Variants in HDAC8 observed in about 807,000 individuals in gnomAD.
HDAC8 encodes the protein histone deacetylase 8, also known as histone deacetylase-like 1.
In HDAC8, 1 loss-of-function variant was observed where a neutral mutation model predicts 32.2. The observed-to-expected ratio is 0.03, with a 90% CI of 0.01 to 0.15. HDAC8 has a LOEUF of 0.15. HDAC8 is among the 10% of genes least tolerant of loss of function. The probability of loss-of-function intolerance (pLI) is 1.00; values close to 1 mark genes in which losing one functional copy is unlikely to be tolerated. For synonymous variants in HDAC8, 108 were observed against 113.9 expected (o/e 0.95, Z 0.33); for missense variants, 117 against 300.0 (o/e 0.39, Z 4.51).
At chrX:72,388,163 T>C (rs1254369439) in intron 9 of HDAC8, among the ~76,000 whole-genome samples, 1 of 110,926 alleles carries the variant, frequency 9.0e-6, no homozygotes, top group East Asian at 2.9e-4. Context: ...AACGATCTTG[T>C]GTTCTCCGCT....
chrX:72,360,040 T>G (rs188139219), intron 9 of HDAC8, among the ~76,000 whole-genome samples: 81 of 87,901 alleles, frequency 9.2e-4, no homozygotes, highest in Non-Finnish European at 1.5e-3. Context: ...GGTGATACAG[T>G]GGGACCCTGT....
At chrX:72,338,724 A>AT (rs1555943757) in intron 10 of HDAC8, among the ~76,000 whole-genome samples, 1 of 97,099 alleles carries the variant, frequency 1.0e-5, no homozygotes, top group Non-Finnish European at 2.0e-5. Flanking sequence ...TAATTTTTTT[A>AT]TTTTTTTATT....
At chrX:72,501,075 A>T (rs1317544498) in intron 4 of HDAC8, among the ~76,000 whole-genome samples, 1 of 111,580 alleles carries the variant, frequency 9.0e-6, no homozygotes, top group Non-Finnish European at 1.9e-5. Flanking sequence ...GAGGTGAAAG[A>T]TCTCTATAAA....
At chrX:72,433,158 G>A (rs1437847641) in intron 9 of HDAC8, among the ~76,000 whole-genome samples, 1 of 111,295 alleles carries the variant, frequency 9.0e-6, no homozygotes, top group East Asian at 2.8e-4. Flanking sequence ...TTCTCAACAG[G>A]GGCAATTTTG....
Position 72,478,715 on chromosome X carries a change from G to A in HDAC8, c.737+10218C>T, listed in dbSNP as rs541906007. Among the ~76,000 whole-genome samples, 5 of 103,234 alleles carry A rather than the reference G, an allele frequency of 4.8e-5. No individual in the cohort carries two copies. In the Admixed American group the frequency reaches 5.3e-4, roughly 11 times the overall value. The allele number at this position is 103,234 out of a possible 115,157, so 89.6% of individuals were successfully genotyped here. A position where few individuals can be genotyped will look rare whatever the true frequency, so the allele number is the denominator to read the frequency against. On this transcript the variant is annotated intron_variant, in intron 7 of 10. Transcript: ENST00000373573. Reference sequence around the variant, plus strand: ...GTTACCTAGGCTGGAGTGCAGTGGCGTGATCTCGGCTCACTGTAACCTCCG... The same window carrying A: ...GTTACCTAGGCTGGAGTGCAGTGGCATGATCTCGGCTCACTGTAACCTCCG...
chrX:72,528,694 G>A (rs1348014673), intron 4 of HDAC8, among the ~76,000 whole-genome samples: 1 of 111,329 alleles, frequency 9.0e-6, no homozygotes, highest in Non-Finnish European at 1.9e-5. Context: ...CCTCAGAGGT[G>A]CCTGAAGCTG....
At chrX:72,512,327 T>G (rs1448150060) in intron 4 of HDAC8, among the ~76,000 whole-genome samples, 2 of 112,065 alleles carry the variant, frequency 1.8e-5, no homozygotes, top group Non-Finnish European at 3.8e-5. Context: ...ACTCATTCAG[T>G]GCTCTCCCTT....
chrX:72,364,583 A>G (rs1328367148), intron 9 of HDAC8, among the ~76,000 whole-genome samples: 1 of 112,061 alleles, frequency 8.9e-6, no homozygotes. Context: ...CCCACCATAC[A>G]ATAAGCTCTT....
intron 9 of HDAC8, among the ~76,000 whole-genome samples, chrX:72,460,352 G>A (rs1555991247): frequency 9.0e-6 from 1 of 110,693 alleles, no homozygotes; most frequent in Non-Finnish European, 1.9e-5. Context: ...TGGCCAGGCT[G>A]GTCTCAAACT....
intron 4 of HDAC8, among the ~76,000 whole-genome samples, chrX:72,525,398 C>T (rs1556031362): frequency 1.8e-5 from 2 of 111,156 alleles, no homozygotes; most frequent in Non-Finnish European, 3.8e-5. Flanking sequence ...CACTGCCAAT[C>T]ACAGGCCAGA....
chrX:72,477,471 T>C (rs782275595), intron 7 of HDAC8, among the ~76,000 whole-genome samples: 1 of 112,256 alleles, frequency 8.9e-6, no homozygotes, highest in South Asian at 3.7e-4. Context: ...ACAATAAACA[T>C]GCTCCTAGCC....
intron 9 of HDAC8, among the ~76,000 whole-genome samples, chrX:72,443,924 T>C: frequency 9.2e-6 from 1 of 108,374 alleles, no homozygotes; most frequent in East Asian, 3.0e-4. Context: ...GCAAATAAAC[T>C]AGAAAATCTA....
At chrX:72,449,908 C>T (rs1602919350) in intron 9 of HDAC8, among the ~76,000 whole-genome samples, 1 of 111,922 alleles carries the variant, frequency 8.9e-6, no homozygotes. Context: ...TATGATATAG[C>T]ATTTGCATTC....
At chrX:72,548,954 A>AC (rs782390723) in intron 4 of HDAC8, among the ~76,000 whole-genome samples, 46 of 110,129 alleles carry the variant, frequency 4.2e-4, no homozygotes, top group Non-Finnish European at 5.1e-4. Context: ...TTCCTAATTG[A>AC]CCCCCCCATA....
At chrX:72,466,897 C>T (rs1218956652) in intron 7 of HDAC8, 1 of 111,536 alleles carries the variant, frequency 9.0e-6, no homozygotes, top group African/African-American at 3.3e-5. Context: ...AAGGAGCAAA[C>T]TATTGATACA....
At chrX:72,343,053 C>CTGA (rs200979666) in intron 10 of HDAC8, among the ~76,000 whole-genome samples, 3,945 of 111,537 alleles carry the variant, frequency 0.035, 77 homozygotes, top group Non-Finnish European at 0.054. Context: ...AGAGTTTGAT[C>CTGA]TGATAATTAT....
intron 9 of HDAC8, among the ~76,000 whole-genome samples, chrX:72,364,218 C>T (rs1395434950): frequency 9.0e-6 from 1 of 111,597 alleles, no homozygotes; most frequent in Non-Finnish European, 1.9e-5. Flanking sequence ...TATCTTCTCT[C>T]TCATAACCAC....
intron 4 of HDAC8, among the ~76,000 whole-genome samples, chrX:72,523,218 C>G (rs1437889688): frequency 9.0e-6 from 1 of 111,637 alleles, no homozygotes; most frequent in African/African-American, 3.3e-5. Flanking sequence ...ATTTACATTC[C>G]CACCAATAAA....
chrX:72,502,111 CA>C (rs782273461), intron 4 of HDAC8, among the ~76,000 whole-genome samples: 2 of 111,322 alleles, frequency 1.8e-5, no homozygotes, highest in African/African-American at 6.5e-5. Flanking sequence ...ATTAAAAATT[CA>C]AAAAAATAAT....
Sources: allele counts gnomAD v4.1 joint callset (sites outside exome capture counted in the v4.1 genomes callset), GRCh38; gene constraint gnomAD v4.1.1; transcripts MANE v1.5; gene names NCBI Gene and HGNC (gene_info 2026-07-23, HGNC 2026-07-21).